The following ZFC3H1 variants were observed in gnomAD, a reference collection of about 807,000 sequenced individuals.
ZFC3H1 encodes zinc finger C3H1 domain-containing protein.
Under a neutral mutation model 243.7 loss-of-function variants are expected in ZFC3H1, and 71 were observed. The observed-to-expected ratio is 0.29, with a 90% confidence interval of 0.24 to 0.36. The LOEUF (loss-of-function observed/expected upper bound fraction) is 0.36, where lower values mean the gene tolerates loss of function less well. Ranked by LOEUF, ZFC3H1 falls within the 10% of genes least tolerant of loss-of-function variation. The probability of loss-of-function intolerance (pLI) is 1.00; values close to 1 mark genes in which losing one functional copy is unlikely to be tolerated. For missense variants in ZFC3H1, 1,966 were observed against 2,317.1 expected (o/e 0.85, Z 3.11); for synonymous variants, 838 against 813.0 (o/e 1.03, Z -0.52).
intron 6 of ZFC3H1, among the ~76,000 whole-genome samples, chr12:71,640,051 G>A (rs9943863): frequency 0.018 from 2,754 of 151,818 alleles, 71 homozygotes; most frequent in African/African-American, 0.062. Flanking sequence ...GAGACAGAGT[G>A]TCGCTCAGTG....
At position 71,635,654 on chromosome 12, in the gene ZFC3H1, A is replaced by T. The variant is rs934788645; in HGVS notation, c.2101-74T>A. 3.6e-5 allele frequency: 51 copies of T among 1,423,298 alleles called. No homozygotes were observed. The African/African-American group carries it at 6.8e-4, about 19-fold the overall frequency. The allele number at this position is 1,423,298 out of a possible 1,614,324, so 88.2% of individuals were successfully genotyped here. A position where few individuals can be genotyped will look rare whatever the true frequency, so the allele number is the denominator to read the frequency against. Reference sequence around the variant, plus strand: ...TAACCTTGTTCAATTTCAATCCACAAAAATAATGGGCTCCAAGTAGACAGT... The same window carrying T: ...TAACCTTGTTCAATTTCAATCCACATAAATAATGGGCTCCAAGTAGACAGT... On this transcript the variant is annotated intron_variant, in intron 9 of 34. Coordinates refer to ENST00000378743, the MANE Select transcript of ZFC3H1 (RefSeq NM_144982.5).
rs2137514890 is a variant in ZFC3H1, at chr12:71,615,249, C to G, written c.5212G>C (p.Asp1738His). The change falls in exon 28 of 35, where the codon GAT (aspartate) becomes CAT (histidine). Residue 1738 changes from aspartate (D) to histidine (H), a missense_variant. By Grantham distance (81) the Asp-to-His change is moderately conservative (BLOSUM62 -1). Around this residue, in one of 4 missense-constraint regions of ZFC3H1, gnomAD observed 1,383 missense variants for 1,723.7 expected, o/e 0.80. Coordinates refer to ENST00000378743, the MANE Select transcript of ZFC3H1 (RefSeq NM_144982.5). Reference sequence around the variant, plus strand: ...TAAGGAACTTGGTGGTTAAACATATCATCATCAAAATTCCCTTTACATAAA... The same window carrying G: ...TAAGGAACTTGGTGGTTAAACATATGATCATCAAAATTCCCTTTACATAAA... ...SRLCKGNFDD[D>H]MFNHQVPYLW... The G allele has an allele frequency of 6.2e-7, 1 of 1,613,574 alleles. No homozygotes were observed. The highest frequency in any genetic ancestry group is 2.2e-5 in the East Asian group (1 of 44,828).
intron 27 of ZFC3H1, among the ~76,000 whole-genome samples, chr12:71,617,066 TAG>T (rs1470864276): frequency 2.0e-5 from 3 of 152,194 alleles, no homozygotes; most frequent in African/African-American, 4.8e-5. Flanking sequence ...AAATGTCACA[TAG>T]AGAGTTGACA....
At position 71,610,699 on chromosome 12, in the gene ZFC3H1, T is replaced by G. The variant is rs1879746615; in HGVS notation, c.5828A>C (p.Lys1943Thr). The change falls in exon 34 of 35, where the codon AAA (lysine) becomes ACA (threonine). Residue 1943 changes from lysine to threonine, a missense_variant. By Grantham distance (78) the Lys-to-Thr change is moderately conservative. This residue lies in a region of ZFC3H1 where 1,383 missense variants were observed against 1,723.7 expected (regional missense o/e 0.80). Coordinates refer to ENST00000378743, the MANE Select transcript of ZFC3H1 (RefSeq NM_144982.5). The part of the protein sequence containing the change: ...QKLPLCASLW[K>T]DQLLFEASEG... The stretch of plus-strand genomic sequence containing the variant: ...ATAAAAGATAAAAAGCATTACATCT[T>G]TCCACAGTGATGCACAAAGAGGTAA... The G allele has an allele frequency of 6.2e-7, 1 of 1,613,134 alleles. No homozygotes were observed.
intron 6 of ZFC3H1, among the ~76,000 whole-genome samples, chr12:71,638,793 C>A (rs1000757913): frequency 9.9e-5 from 15 of 151,440 alleles, no homozygotes; most frequent in Non-Finnish European, 1.8e-4. Context: ...GGGAATAAAG[C>A]AGGAAAAGAC....
Position 71,623,478 on chromosome 12 carries a change from A to C in ZFC3H1, c.4626T>G (p.Phe1542Leu). The change falls in exon 24 of 35, where the codon TTT becomes TTG. Residue 1542 changes from phenylalanine to leucine, a missense_variant. Physicochemically the swap from Phe to Leu is conservative, Grantham distance 22. Around this residue, in one of 4 missense-constraint regions of ZFC3H1, gnomAD observed 1,383 missense variants for 1,723.7 expected, o/e 0.80. Transcript: ENST00000378743. ...AAGGATTATCATTAGATGGATCATA[A>C]AATTTTGAAGGGAGAATGTTGAATT... The part of the protein sequence containing the change: ...LIEFNILPSK[F>L]YDPSNDNPSR... 1 of 1,613,816 alleles carries C rather than the reference A, an allele frequency of 6.2e-7. No individual in the cohort carries two copies.
intron 29 of ZFC3H1, 63 bp downstream of exon 29, chr12:71,614,771 C>T (rs1879854175): frequency 5.0e-6 from 8 of 1,594,060 alleles, no homozygotes; most frequent in Non-Finnish European, 4.3e-6. Flanking sequence ...AGCTGGTCAC[C>T]CCTTTCCCGA....
Position 71,635,438 on chromosome 12 carries a change from C to A in ZFC3H1, c.2238+5G>T. 6.4e-7 allele frequency: 1 copy of A among 1,563,798 alleles called. No homozygotes were observed. Among genetic ancestry groups the A allele is most frequent in the East Asian group, 2.4e-5 (1 of 41,540 alleles). ...TTTCTTTCCACCTTTAATTATTGCA[C>A]TTACCTCAGCAGTTCGTCTTGCTTC... On this transcript the variant is annotated splice_donor_5th_base_variant and intron_variant, in intron 10 of 34. Transcript: ENST00000378743.
chr12:71,627,140 C>A (rs1311524406), intron 21 of ZFC3H1, among the ~76,000 whole-genome samples: 1 of 151,218 alleles, frequency 6.6e-6, no homozygotes, highest in Non-Finnish European at 1.5e-5. Context: ...AAAAAAAAAC[C>A]CTTGAATTAT....
chr12:71,661,723 C>CTG (rs1297699027), intron 1 of ZFC3H1, among the ~76,000 whole-genome samples: 52 of 152,230 alleles, frequency 3.4e-4, no homozygotes, highest in African/African-American at 1.2e-3. Flanking sequence ...CTCAAGTGAT[C>CTG]CACCGCCTCG....
At chr12:71,628,457 C>T (rs1253253242) in intron 20 of ZFC3H1, among the ~76,000 whole-genome samples, 1 of 152,186 alleles carries the variant, frequency 6.6e-6, no homozygotes, top group African/African-American at 2.4e-5. Flanking sequence ...GCCTAACATA[C>T]AGGCACTCAT....
chr12:71,613,627 T>C (rs1565800940), intron 30 of ZFC3H1, 192 bp from the exon 31 acceptor site: 2 of 473,738 alleles, frequency 4.2e-6, no homozygotes, highest in East Asian at 7.0e-5. Flanking sequence ...TTAGGAAATA[T>C]GGTCTAGTGA....
intron 6 of ZFC3H1, among the ~76,000 whole-genome samples, chr12:71,640,393 G>T (rs558215855): frequency 6.6e-6 from 1 of 152,372 alleles, no homozygotes; most frequent in South Asian, 2.1e-4. Flanking sequence ...GCACTGGCCA[G>T]AAAGACCAGG....
In ZFC3H1 at chr12:71,614,635, A is replaced by C; in HGVS notation, c.5426T>G (p.Phe1809Cys). 1.2e-6 allele frequency: 2 copies of C among 1,613,512 alleles called. No homozygotes were observed. The highest frequency in any genetic ancestry group is 1.7e-6 in the Non-Finnish European group (2 of 1,179,680). Residue 1809 changes from phenylalanine (F) to cysteine (C), a missense_variant, in exon 30 of 35, where the codon TTT becomes TGT. Physicochemically the swap from Phe to Cys is radical, Grantham distance 205 (BLOSUM62 -2). This residue lies in a region of ZFC3H1 where 1,383 missense variants were observed against 1,723.7 expected (regional missense o/e 0.80). Transcript: ENST00000378743. ...SRNKVQEFKFFTDLVNRCLVT... is the reference protein window; with the variant it reads ...SRNKVQEFKFCTDLVNRCLVT... ...CAAACATCTATTCACTAAATCAGTA[A>C]AAAATTTGAATTCTTGAACTTTGTT... is the stretch of plus-strand genomic sequence containing the variant.
At chr12:71,659,958 T>G (rs1448182798) in intron 1 of ZFC3H1, among the ~76,000 whole-genome samples, 1 of 152,212 alleles carries the variant, frequency 6.6e-6, no homozygotes, top group Non-Finnish European at 1.5e-5. Flanking sequence ...ACTGACAAAG[T>G]GTCTATCATT....
chr12:71,635,695 G>A, intron 9 of ZFC3H1, 115 bp from the exon 10 acceptor site: 1 of 1,014,870 alleles, frequency 9.9e-7, no homozygotes, highest in East Asian at 2.9e-5. Context: ...GCTCCTTCTA[G>A]GGTTGTATTA....
rs1277095438 is a variant in ZFC3H1 at position 71,614,655 on chromosome 12, T to G, written c.5406A>C (p.Lys1802Asn). The G allele has an allele frequency of 6.2e-7, 1 of 1,612,596 alleles. No individual in the cohort carries two copies. Among genetic ancestry groups the G allele is most frequent in the Non-Finnish European group, 8.5e-7 (1 of 1,179,456 alleles). The change falls in exon 30 of 35, where the codon AAA (lysine) becomes AAC (asparagine). Residue 1802 changes from lysine to asparagine, a missense_variant. Coordinates refer to ENST00000378743, the MANE Select transcript of ZFC3H1 (RefSeq NM_144982.5). ...ANNRAAGSRN[K>N]VQEFKFFTDL... ...CAGTAAAAAATTTGAATTCTTGAACTTTGTTTCTGGATCCAGCAGCTCTAT... is the reference window on the plus strand; with the variant it reads ...CAGTAAAAAATTTGAATTCTTGAACGTTGTTTCTGGATCCAGCAGCTCTAT...
chr12:71,649,034 T>C (rs1880806085), intron 2 of ZFC3H1, among the ~76,000 whole-genome samples: 1 of 144,762 alleles, frequency 6.9e-6, no homozygotes, highest in African/African-American at 2.6e-5. Flanking sequence ...GAGGTTGCAG[T>C]GAGCTGAGAT....
intron 2 of ZFC3H1, among the ~76,000 whole-genome samples, chr12:71,649,764 C>T (rs1880832484): frequency 6.6e-6 from 1 of 152,192 alleles, no homozygotes; most frequent in Non-Finnish European, 1.5e-5. Context: ...TTCATTAAGT[C>T]ATGAGAAATC....
Sources: allele counts gnomAD v4.1 joint callset (sites outside exome capture counted in the v4.1 genomes callset), GRCh38; gene constraint gnomAD v4.1.1; regional missense constraint gnomAD v4.1.1; transcripts MANE v1.5; gene names NCBI Gene and HGNC (gene_info 2026-07-23, HGNC 2026-07-21).